Variants in DPYS observed in about 807,000 individuals in gnomAD.
DPYS encodes the protein dihydropyrimidinase, also known as dihydropyrimidine amidohydrolase.
DPYS carries 39 observed loss-of-function variants against 50.3 expected under a neutral mutation model. The ratio of observed to expected loss-of-function variants is 0.78; its 90% CI spans 0.60 to 1.01. DPYS has a LOEUF of 1.01. DPYS is among the 50% of genes least tolerant of loss of function. The pLI is 0.00. For synonymous variants in DPYS, 245 were observed against 250.7 expected, an observed-to-expected ratio of 0.98 and a Z score of 0.22; for missense variants, 659 against 680.9, an observed-to-expected ratio of 0.97 and a Z score of 0.36.
chr8:104,457,681 GCTCT>G (rs1813975968), intron 1 of DPYS, among the ~76,000 whole-genome samples: 1 of 152,160 alleles, frequency 6.6e-6, no homozygotes, highest in Non-Finnish European at 1.5e-5. Flanking sequence ...TGAATTTCTA[GCTCT>G]CTCACAATCA....
At chr8:104,408,188 C>T (rs1364124082) in intron 7 of DPYS, among the ~76,000 whole-genome samples, 1 of 152,214 alleles carries the variant, frequency 6.6e-6, no homozygotes, top group Non-Finnish European at 1.5e-5. Context: ...TTCTGACATA[C>T]CTTAGTGAAC....
At position 104,451,241 on chromosome 8, in the gene DPYS, T is replaced by C. The variant is rs780272111; in HGVS notation, c.423+5A>G. 1.2e-6 allele frequency: 2 copies of C among 1,613,784 alleles called. No individual in the cohort carries two copies. The highest frequency in any genetic ancestry group is 1.1e-5 in the South Asian group (1 of 91,068). On this transcript the variant is annotated splice_donor_5th_base_variant and intron_variant, in intron 2 of 9. Coordinates refer to ENST00000351513, the MANE Select transcript of DPYS (RefSeq NM_001385.3). ...TGGGAACACATTGAAATCCAGGTGC[T>C]TTACCTGGTCACTCCACCACGTCAC...
intron 7 of DPYS, among the ~76,000 whole-genome samples, chr8:104,396,655 C>A (rs2140530333): frequency 6.6e-6 from 1 of 151,978 alleles, no homozygotes. Flanking sequence ...TGCATGTGGG[C>A]AAATACAAGA....
intron 7 of DPYS, among the ~76,000 whole-genome samples, chr8:104,422,511 T>G (rs1812582357): frequency 6.6e-6 from 1 of 152,188 alleles, no homozygotes; most frequent in South Asian, 2.1e-4. Context: ...CTCATTGTCA[T>G]AAGGTAATCA....
chr8:104,380,371 G>A (rs951141070), intron 9 of DPYS: 1 of 152,960 alleles, frequency 6.5e-6, no homozygotes, highest in African/African-American at 2.4e-5. Context: ...ATGGCCACGT[G>A]TTGAACTGTC....
intron 7 of DPYS, among the ~76,000 whole-genome samples, chr8:104,395,980 G>A (rs1214744754): frequency 6.6e-6 from 1 of 152,094 alleles, no homozygotes; most frequent in African/African-American, 2.4e-5. Context: ...GGATGGAGGG[G>A]TATTAATCAA....
At chr8:104,405,914 C>G (rs1307005787) in intron 7 of DPYS, among the ~76,000 whole-genome samples, 1 of 152,216 alleles carries the variant, frequency 6.6e-6, no homozygotes, top group East Asian at 1.9e-4. Context: ...CTTGCTCAGC[C>G]AAGTTCATGG....
At chr8:104,402,000 T>A (rs1338670175) in intron 7 of DPYS, among the ~76,000 whole-genome samples, 5 of 152,220 alleles carry the variant, frequency 3.3e-5, no homozygotes, top group Non-Finnish European at 5.9e-5. Context: ...GCTCAGTAGA[T>A]GACAAAATAC....
intron 1 of DPYS, among the ~76,000 whole-genome samples, chr8:104,457,328 C>A (rs13272770): frequency 0.2 from 29,727 of 152,086 alleles, 3,111 homozygotes; most frequent in East Asian, 0.24. Flanking sequence ...ACGTCCCAGT[C>A]CCAGGCAGGA....
At chr8:104,433,283 C>T (rs1813015362) in intron 4 of DPYS, among the ~76,000 whole-genome samples, 1 of 152,168 alleles carries the variant, frequency 6.6e-6, no homozygotes. Flanking sequence ...TTCATACACT[C>T]CACAAACGTT....
intron 7 of DPYS, among the ~76,000 whole-genome samples, chr8:104,416,569 A>G (rs1812376067): frequency 6.6e-6 from 1 of 151,826 alleles, no homozygotes; most frequent in Non-Finnish European, 1.5e-5. Context: ...AGTGACAGAC[A>G]CTCTTAGAAA....
intron 1 of DPYS, among the ~76,000 whole-genome samples, chr8:104,462,969 A>G (rs1002994651): frequency 3.9e-5 from 6 of 152,378 alleles, no homozygotes; most frequent in Admixed American, 1.3e-4. Context: ...AATCTCTGAC[A>G]TGAATTAGAT....
chr8:104,404,635 T>A (rs963368451), intron 7 of DPYS, among the ~76,000 whole-genome samples: 1 of 152,252 alleles, frequency 6.6e-6, no homozygotes, highest in Non-Finnish European at 1.5e-5. Context: ...AGGATGTCCA[T>A]CTGAAGAGAT....
intron 7 of DPYS, among the ~76,000 whole-genome samples, chr8:104,411,306 G>A (rs1812167965): frequency 6.6e-6 from 1 of 152,174 alleles, no homozygotes; most frequent in African/African-American, 2.4e-5. Context: ...CCTCCACCAT[G>A]TGAGGAATTC....
intron 1 of DPYS, among the ~76,000 whole-genome samples, chr8:104,458,904 G>A (rs6468929): frequency 0.039 from 5,963 of 152,208 alleles, 394 homozygotes; most frequent in African/African-American, 0.13. Flanking sequence ...CACAATTTTA[G>A]TTTATTTCTG....
At chr8:104,436,515 C>T (rs974555702) in intron 4 of DPYS, among the ~76,000 whole-genome samples, 4 of 152,118 alleles carry the variant, frequency 2.6e-5, no homozygotes, top group African/African-American at 9.7e-5. Context: ...GAGGCTGAGG[C>T]AGGAGAATCA....
intron 7 of DPYS, among the ~76,000 whole-genome samples, chr8:104,412,435 T>C (rs1331870067): frequency 6.6e-6 from 1 of 152,172 alleles, no homozygotes; most frequent in Non-Finnish European, 1.5e-5. Flanking sequence ...TCTATGTGCG[T>C]GTGTCTTGGG....
intron 7 of DPYS, chr8:104,423,814 A>G (rs1347715763): frequency 4.5e-6 from 1 of 224,434 alleles, no homozygotes; most frequent in Non-Finnish European, 7.5e-6. Flanking sequence ...CAACTGGAAA[A>G]TTTGGCTAAC....
chr8:104,447,187 C>G, intron 3 of DPYS, 137 bp downstream of exon 3: 1 of 1,158,518 alleles, frequency 8.6e-7, no homozygotes. Context: ...AATCCGTTTC[C>G]GAGCCACGGA....
Sources: allele counts gnomAD v4.1 joint callset (sites outside exome capture counted in the v4.1 genomes callset), GRCh38; gene constraint gnomAD v4.1.1; transcripts MANE v1.5; gene names NCBI Gene and HGNC (gene_info 2026-07-23, HGNC 2026-07-21).